CPS1: variants seen among roughly 807,000 people sequenced by gnomAD.
CPS1 encodes the protein carbamoyl-phosphate synthase [ammonia], mitochondrial.
Under a neutral mutation model 174.6 loss-of-function variants are expected in CPS1, and 109 were observed. The observed-to-expected ratio is 0.62, with a 90% CI of 0.53 to 0.73. The LOEUF (loss-of-function observed/expected upper bound fraction) is 0.73. Among genes scored for constraint, CPS1 ranks in the 30% least tolerant of loss-of-function variants. The pLI is 0.00. For synonymous variants in CPS1, 637 were observed against 632.0 expected (o/e 1.01, Z -0.12); for missense variants, 1,689 against 1,821.9 (o/e 0.93, Z 1.33).
intron 33 of CPS1, among the ~76,000 whole-genome samples, chr2:210,665,949 CAA>C (rs1701082476): frequency 6.9e-6 from 1 of 144,804 alleles, no homozygotes; most frequent in South Asian, 2.3e-4. Context: ...CCAACAGTGT[CAA>C]AGTGTTCCTA....
chr2:210,553,375 A>T (rs1335323970), upstream of CPS1, among the ~76,000 whole-genome samples: 2 of 152,050 alleles, frequency 1.3e-5, no homozygotes, highest in African/African-American at 2.4e-5. Context: ...AACATTTTCA[A>T]TACCAGATAT....
At chr2:210,490,749 C>G (rs1694855103) in intron 1 of CPS1, among the ~76,000 whole-genome samples, 1 of 152,212 alleles carries the variant, frequency 6.6e-6, no homozygotes, top group Non-Finnish European at 1.5e-5. Context: ...TTTGTACCAT[C>G]AAACTGGGAT....
intron 1 of CPS1, among the ~76,000 whole-genome samples, chr2:210,532,247 G>A (rs1284879048): frequency 6.6e-6 from 1 of 152,084 alleles, no homozygotes. Context: ...GAAGCAACAA[G>A]GTCTGTATCG....
chr2:210,654,020 G>C lies in CPS1; in HGVS notation c.3481-5G>C. The C allele has an allele frequency of 6.2e-7, 1 of 1,613,470 alleles. No individual in the cohort carries two copies. The highest frequency in any genetic ancestry group is 1.1e-5 in the South Asian group (1 of 91,052). ...GTTCGGCTCCTCTGTTTTCCTTCGT[G>C]ACAGGAGCACCCAGTGGTGCTGACA... is the stretch of plus-strand genomic sequence containing the variant. On this transcript the variant is annotated splice_polypyrimidine_tract_variant and splice_region_variant and intron_variant, in intron 28 of 37. Transcript: ENST00000233072.
At position 210,609,148 on chromosome 2, in the gene CPS1, A is replaced by G. The variant is rs529887411; in HGVS notation, c.2391+589A>G. Among the ~76,000 whole-genome samples the G allele has an allele frequency of 5.3e-5, 8 of 152,122 alleles. No individual in the cohort carries two copies. In the East Asian group the frequency reaches 9.7e-4, roughly 19 times the overall value. On this transcript the variant is annotated intron_variant, in intron 19 of 37. Coordinates refer to ENST00000233072, the MANE Select transcript of CPS1 (RefSeq NM_001875.5). ...TACTAAAAAGTTCTAAGCTTTTAACATCTTTAGAAGATTTTTTAGAATGTG... is the reference window on the plus strand; with the variant it reads ...TACTAAAAAGTTCTAAGCTTTTAACGTCTTTAGAAGATTTTTTAGAATGTG...
At chr2:210,623,955 A>G (rs1201583762) in intron 21 of CPS1, among the ~76,000 whole-genome samples, 3 of 152,154 alleles carry the variant, frequency 2.0e-5, no homozygotes, top group Non-Finnish European at 4.4e-5. Context: ...TTACTTTCTG[A>G]TGACAATGTA....
At chr2:210,562,159 A>C (rs1697123672) in intron 1 of CPS1, among the ~76,000 whole-genome samples, 1 of 152,246 alleles carries the variant, frequency 6.6e-6, no homozygotes. Context: ...TATTTTATTT[A>C]CAATGAGAAA....
chr2:210,677,248 A>G (rs1701565511), intron 37 of CPS1, 112 bp downstream of exon 37: 1 of 1,087,240 alleles, frequency 9.2e-7, no homozygotes, highest in South Asian at 1.3e-5. Context: ...TAACTTTCAG[A>G]ATAGAGAGGA....
intron 12 of CPS1, 44 bp downstream of exon 12, chr2:210,594,650 C>A: frequency 7.3e-7 from 1 of 1,377,126 alleles, no homozygotes; most frequent in Non-Finnish European, 1.0e-6. Context: ...TTTGGATTGT[C>A]CCTATCACAT....
At chr2:210,629,584 G>C (rs1313974814) in intron 21 of CPS1, among the ~76,000 whole-genome samples, 2 of 151,458 alleles carry the variant, frequency 1.3e-5, no homozygotes, top group Non-Finnish European at 2.9e-5. Flanking sequence ...CAAAGTGCTG[G>C]GATTACAGGC....
rs1701065167 is a variant in CPS1, at chr2:210,665,498, C to A, written c.4002+2301C>A. Among the ~76,000 whole-genome samples the A allele has an allele frequency of 1.4e-4, 21 of 145,682 alleles. No homozygotes were observed. The Admixed American group carries it at 1.5e-3, about 10-fold the overall frequency. On this transcript the variant is annotated intron_variant, in intron 33 of 37. Coordinates refer to ENST00000233072, the MANE Select transcript of CPS1 (RefSeq NM_001875.5). ...CCCTCCCCCCACTCCACAACAGTCCCCAGAGTGTGATATTCCCCTTCCTGT... is the reference window on the plus strand; with the variant it reads ...CCCTCCCCCCACTCCACAACAGTCCACAGAGTGTGATATTCCCCTTCCTGT...
intron 20 of CPS1, among the ~76,000 whole-genome samples, chr2:210,613,311 A>G (rs894450641): frequency 6.6e-6 from 1 of 151,928 alleles, no homozygotes; most frequent in South Asian, 2.1e-4. Flanking sequence ...ATTGCATCCA[A>G]TGTATATTCT....
chr2:210,528,259 T>C (rs1696026959), intron 1 of CPS1, among the ~76,000 whole-genome samples: 1 of 151,880 alleles, frequency 6.6e-6, no homozygotes, highest in Admixed American at 6.6e-5. Flanking sequence ...ACAGAAACTT[T>C]TTTAGTGATC....
chr2:210,509,520 G>T (rs930915481), intron 1 of CPS1, among the ~76,000 whole-genome samples: 1 of 152,204 alleles, frequency 6.6e-6, no homozygotes, highest in African/African-American at 2.4e-5. Flanking sequence ...AGTGTTGGAA[G>T]TTCTGGCCAG....
At chr2:210,518,544 G>A (rs897077731) in intron 1 of CPS1, among the ~76,000 whole-genome samples, 3 of 151,894 alleles carry the variant, frequency 2.0e-5, no homozygotes, top group Non-Finnish European at 2.9e-5. Context: ...TTTTCTATAT[G>A]ACTGGAATAC....
In CPS1 at chr2:210,592,167, C is replaced by T. The variant is rs541018223; in HGVS notation, c.1086+198C>T. On this transcript the variant is annotated intron_variant, in intron 10 of 37. Coordinates refer to ENST00000233072, the MANE Select transcript of CPS1 (RefSeq NM_001875.5). ...TCTTTGTATTGAGAACATTTCAAAT[C>T]TTCTCTTCTAGCTGTTTTGAAATAT... is the stretch of plus-strand genomic sequence containing the variant. 3.3e-5 allele frequency among the ~76,000 whole-genome samples: 5 copies of T among 152,104 alleles called. No homozygotes were observed. In the East Asian group the frequency reaches 9.7e-4, roughly 30 times the overall value.
Position 210,660,565 on chromosome 2 carries a change from C to T in CPS1, c.3837C>T (p.Ala1279=). ...KTLGVDFIDV[A]TKVMIGENVD... ...TTGGGGTTGACTTCATTGATGTGGC[C>T]ACCAAGGTGATGATTGGAGAGAATG... is the stretch of plus-strand genomic sequence containing the variant. The change falls in exon 32 of 38, where the codon GCC becomes GCT. Residue 1279 remains alanine (A), a synonymous_variant. Transcript: ENST00000233072. 2 of 1,614,108 alleles carry T rather than the reference C, an allele frequency of 1.2e-6. No homozygotes were observed. Among genetic ancestry groups the T allele is most frequent in the South Asian group, 2.2e-5 (2 of 91,088 alleles).
Position 210,594,698 on chromosome 2 carries a change from G to A in CPS1, c.1263+92G>A. 5 of 850,746 alleles carry A rather than the reference G, an allele frequency of 5.9e-6. No individual in the cohort carries two copies. The South Asian group carries it at 7.0e-5, about 12-fold the overall frequency. The allele number at this position is 850,746 out of a possible 1,614,324, so 52.7% of individuals were successfully genotyped here. ...AAACTAAGTGATGTAAGGCATACTA[G>A]TGTTTAATAAAAGATGACTGGTAAT... On this transcript the variant is annotated intron_variant, in intron 12 of 37. Coordinates refer to ENST00000233072, the MANE Select transcript of CPS1 (RefSeq NM_001875.5).
chr2:210,577,362 C>T (rs978383387), intron 3 of CPS1, 59 bp from the exon 4 acceptor site: 3 of 1,319,184 alleles, frequency 2.3e-6, no homozygotes, highest in African/African-American at 2.9e-5. Flanking sequence ...CAAATTGACT[C>T]ACAAGAGTTG....
Sources: allele counts gnomAD v4.1 joint callset (sites outside exome capture counted in the v4.1 genomes callset), GRCh38; gene constraint gnomAD v4.1.1; transcripts MANE v1.5; gene names NCBI Gene and HGNC (gene_info 2026-07-23, HGNC 2026-07-21).